Variants in RAD50 observed in about 807,000 individuals in gnomAD.
RAD50 encodes the protein DNA repair protein RAD50.
Under a neutral mutation model 168.8 loss-of-function variants are expected in RAD50, and 132 were observed. The ratio of observed to expected loss-of-function variants is 0.78; its 90% confidence interval spans 0.68 to 0.90. The LOEUF (loss-of-function observed/expected upper bound fraction) is 0.90, where lower values mean the gene tolerates loss of function less well. RAD50 is among the 40% of genes least tolerant of loss of function. The probability of loss-of-function intolerance (pLI) is 0.00; values close to 1 mark genes in which losing one functional copy is unlikely to be tolerated. For synonymous variants in RAD50, 525 were observed against 497.4 expected, an observed-to-expected ratio of 1.06 and a Z score of -0.74; for missense variants, 1,347 against 1,534.4, an observed-to-expected ratio of 0.88 and a Z score of 2.04.
chr5:132,598,703 C>A (rs1750836164), intron 13 of RAD50, among the ~76,000 whole-genome samples: 1 of 152,192 alleles, frequency 6.6e-6, no homozygotes, highest in Non-Finnish European at 1.5e-5. Context: ...AATAGGACAT[C>A]TTCACATGGC....
intron 2 of RAD50, among the ~76,000 whole-genome samples, chr5:132,559,798 C>T (rs948911383): frequency 2.0e-5 from 3 of 151,928 alleles, no homozygotes; most frequent in African/African-American, 4.8e-5. Context: ...CATGATAAGC[C>T]AGGCTTGGGG....
intron 2 of RAD50, among the ~76,000 whole-genome samples, chr5:132,569,984 C>T (rs527894965): frequency 1.7e-4 from 26 of 152,108 alleles, no homozygotes; most frequent in African/African-American, 5.5e-4. Context: ...TAGAGAGATA[C>T]GGTAGAAAAG....
chr5:132,617,932 C>A, intron 20 of RAD50, 138 bp from the exon 21 acceptor site: 1 of 763,306 alleles, frequency 1.3e-6, no homozygotes, highest in South Asian at 1.6e-5. Context: ...AAATAATAAG[C>A]AAGGAGAGAC....
At position 132,557,004 on chromosome 5, in the gene RAD50, G is replaced by A. The variant is rs1053964646; in HGVS notation, c.-321G>A. ...GTGATCCGCAGGGCGGCCGAGGCAG[G>A]AAGCTGTGAGTGCGCGGTTGCGGGG... On this transcript the variant is annotated 5_prime_UTR_variant, in exon 1 of 25. Transcript: ENST00000378823. The A allele has an allele frequency of 1.3e-6, 1 of 761,386 alleles. No homozygotes were observed. The highest frequency in any genetic ancestry group is 1.9e-6 in the Non-Finnish European group (1 of 520,994). The allele number at this position is 761,386 out of a possible 1,614,324, so 47.2% of individuals were successfully genotyped here. A position where few individuals can be genotyped will look rare whatever the true frequency, so the allele number is the denominator to read the frequency against.
intron 2 of RAD50, among the ~76,000 whole-genome samples, chr5:132,566,841 A>AGAT (rs1750218108): frequency 1.3e-5 from 2 of 152,222 alleles, no homozygotes; most frequent in Admixed American, 1.3e-4. Context: ...GTAGTGACTC[A>AGAT]GATCTTCTCA....
chr5:132,631,734 C>T lies in RAD50; in HGVS notation c.3390-5381C>T, dbSNP rs113621695. 3.4e-3 allele frequency among the ~76,000 whole-genome samples: 512 copies of T among 152,270 alleles called. 3 individuals carry two copies. The highest frequency in any genetic ancestry group is 3.8e-3 in the Non-Finnish European group (256 of 68,008). On this transcript the variant is annotated intron_variant, in intron 21 of 24. Transcript: ENST00000378823. ...CTCCTATAGGGTTCTTGTACAGGAT[C>T]TCACTCTGTCACCCAGGCTGGAGTG...
intron 12 of RAD50, 92 bp from the exon 13 acceptor site, chr5:132,595,481 C>T (rs2149843924): frequency 3.8e-6 from 3 of 779,228 alleles, no homozygotes; most frequent in South Asian, 3.7e-5. Flanking sequence ...CAAGAATAAT[C>T]ATATATTTAT....
At chr5:132,599,355 A>G (rs1471750129) in intron 13 of RAD50, among the ~76,000 whole-genome samples, 1 of 152,224 alleles carries the variant, frequency 6.6e-6, no homozygotes, top group East Asian at 1.9e-4. Flanking sequence ...GAAGACCCGA[A>G]GAGCAGGGAA....
intron 21 of RAD50, chr5:132,631,030 T>C (rs1751453844): frequency 6.6e-6 from 1 of 152,108 alleles, no homozygotes; most frequent in Non-Finnish European, 1.5e-5. Context: ...AAATTTTTAA[T>C]GAAATCTTTC....
intron 22 of RAD50, among the ~76,000 whole-genome samples, chr5:132,637,529 C>CTT (rs377716981): frequency 1.4e-5 from 2 of 144,062 alleles, no homozygotes; most frequent in Non-Finnish European, 3.0e-5. Flanking sequence ...TTTTCTTTTT[C>CTT]TTTTTTTTTT....
At position 132,589,672 on chromosome 5, in the gene RAD50, A is replaced by G. The variant is rs1554098314; in HGVS notation, c.1287A>G (p.Ile429Met). The G allele has an allele frequency of 1.9e-6, 3 of 1,607,820 alleles. No homozygotes were observed. Among genetic ancestry groups the G allele is most frequent in the South Asian group, 2.2e-5 (2 of 89,320 alleles). ...AEKETLKQKQ[I>M]DEIRDKKTGL... ...AAGAGACTCTGAAACAAAAACAGAT[A>G]GATGAGATAAGAGATAAGAAAACTG... is the stretch of plus-strand genomic sequence containing the variant. Residue 429 changes from isoleucine to methionine, a missense_variant, in exon 9 of 25, where the codon ATA (isoleucine) becomes ATG (methionine). Transcript: ENST00000378823.
chr5:132,591,734 G>GA, intron 10 of RAD50, 143 bp from the exon 11 acceptor site: 1 of 675,876 alleles, frequency 1.5e-6, no homozygotes, highest in Non-Finnish European at 2.3e-6. Context: ...AAGACTTTAA[G>GA]AACTTTAAGA....
chr5:132,638,913 C>G (rs1274687015), intron 23 of RAD50, among the ~76,000 whole-genome samples: 1 of 152,240 alleles, frequency 6.6e-6, no homozygotes, highest in East Asian at 1.9e-4. Flanking sequence ...GTCACAGATA[C>G]TTGAGCTTTC....
At chr5:132,601,656 C>T (rs891064900) in intron 13 of RAD50, among the ~76,000 whole-genome samples, 6 of 152,062 alleles carry the variant, frequency 3.9e-5, no homozygotes, top group Non-Finnish European at 5.9e-5. Context: ...TAAAAAAAAA[C>T]TGTAGGTCTG....
chr5:132,600,677 C>G (rs1325839408), intron 13 of RAD50, among the ~76,000 whole-genome samples: 1 of 152,054 alleles, frequency 6.6e-6, no homozygotes, highest in Non-Finnish European at 1.5e-5. Flanking sequence ...GGTATTTCTC[C>G]CACAGGTTTT....
chr5:132,593,609 A>T (rs1750741063), intron 11 of RAD50: 1 of 152,198 alleles, frequency 6.6e-6, no homozygotes, highest in Non-Finnish European at 1.5e-5. Context: ...CGGGTCAAAA[A>T]TTCCACACAG....
In RAD50 at chr5:132,616,017, G is replaced by C. The variant is rs1581008385; in HGVS notation, c.3051G>C (p.Trp1017Cys). The change falls in exon 20 of 25, where the codon TGG becomes TGC. Residue 1017 changes from tryptophan (W) to cysteine (C), a missense_variant. This residue lies in a region of RAD50 where 635 missense variants were observed against 739.2 expected (regional missense o/e 0.86). Transcript: ENST00000378823. ...DIDTQKIQERWLQDNLTLRKR... is the reference protein window; with the variant it reads ...DIDTQKIQERCLQDNLTLRKR... ...TTTACCTTTAGATACAAGAAAGGTG[G>C]CTACAAGATAACCTTACTTTAAGAA... is the stretch of plus-strand genomic sequence containing the variant. 1 of 1,584,114 alleles carries C rather than the reference G, an allele frequency of 6.3e-7. No individual in the cohort carries two copies. Among genetic ancestry groups the C allele is most frequent in the Admixed American group, 1.7e-5 (1 of 59,924 alleles).
chr5:132,558,005 A>C (rs1328357718), intron 1 of RAD50, among the ~76,000 whole-genome samples: 6 of 151,210 alleles, frequency 4.0e-5, no homozygotes, highest in South Asian at 4.2e-4. Context: ...TGCACGACTG[A>C]CTTTTTTTTT....
intron 2 of RAD50, among the ~76,000 whole-genome samples, chr5:132,567,129 G>A (rs1350330947): frequency 6.6e-6 from 1 of 151,658 alleles, no homozygotes; most frequent in Non-Finnish European, 1.5e-5. Flanking sequence ...TAGTATCAAA[G>A]TTAAATTCAT....
Sources: gnomAD v4.1 joint callset for allele counts (sites outside exome capture counted in the v4.1 genomes callset) on GRCh38, gnomAD v4.1.1 for gene constraint, gnomAD v4.1.1 regional missense constraint, MANE v1.5 for transcripts, NCBI Gene and HGNC (gene_info 2026-07-23, HGNC 2026-07-21) for gene names.